The following FGFR4 variants were observed in gnomAD, a reference collection of about 807,000 sequenced individuals.
The protein encoded by FGFR4 is fibroblast growth factor receptor 4, also known as hydroxyaryl-protein kinase.
Under a neutral mutation model 89.9 loss-of-function variants are expected in FGFR4, and 63 were observed. The ratio of observed to expected loss-of-function variants is 0.70; its 90% confidence interval spans 0.57 to 0.86. FGFR4 has a LOEUF of 0.86. Among genes scored for constraint, FGFR4 ranks in the 40% least tolerant of loss-of-function variants. The pLI is 0.00. For missense variants in FGFR4, 928 were observed against 1,106.7 expected, an observed-to-expected ratio of 0.84 and a Z score of 2.29; for synonymous variants, 486 against 479.4, an observed-to-expected ratio of 1.01 and a Z score of -0.18.
At position 177,093,211 on chromosome 5, in the gene FGFR4, C is replaced by T; in HGVS notation, c.1131C>T (p.Ser377=). 1 of 1,612,758 alleles carries T rather than the reference C, an allele frequency of 6.2e-7. No homozygotes were observed. The highest frequency in any genetic ancestry group is 8.5e-7 in the Non-Finnish European group (1 of 1,178,988). The change falls in exon 9 of 18, where the codon TCC becomes TCT. Residue 377 remains serine, a synonymous_variant. Transcript: ENST00000292408. This position sits in a 1 kb window ranked among gnomAD's most constrained non-coding sequence, Gnocchi z 5.8. ...ACATCATCCTGTACGCGTCGGGCTC[C>T]CTGGCCTTGGCTGTGCTCCTGCTGC... ...YTDIILYASG[S]LALAVLLLLA...
rs1479846640 is a variant in FGFR4 at position 177,095,411 on chromosome 5, T to A, written c.1601T>A (p.Ile534Asn). 1 of 1,614,122 alleles carries A rather than the reference T, an allele frequency of 6.2e-7. No homozygotes were observed. Among genetic ancestry groups the A allele is most frequent in the Non-Finnish European group, 8.5e-7 (1 of 1,179,994 alleles). ...MKLIGRHKNIINLLGVCTQEG... is the reference protein window; with the variant it reads ...MKLIGRHKNINNLLGVCTQEG... ...CTGATCGGCCGACACAAGAACATCA[T>A]CAACCTGCTTGGTGTCTGCACCCAG... Residue 534 changes from isoleucine to asparagine, a missense_variant, in exon 12 of 18, where the codon ATC becomes AAC. By Grantham distance (149) the Ile-to-Asn change is moderately radical. This residue lies in a region of FGFR4 where 741 missense variants were observed against 836.9 expected (regional missense o/e 0.89). Transcript: ENST00000292408. The surrounding 1 kb of genome is among the most constrained non-coding windows in gnomAD (Gnocchi z 5.7).
Position 177,092,635 on chromosome 5 carries a change from C to T in FGFR4, c.919-11C>T, listed in dbSNP as rs778887827. The T allele has an allele frequency of 6.3e-7, 1 of 1,597,682 alleles. No homozygotes were observed. The highest frequency in any genetic ancestry group is 1.3e-5 in the African/African-American group (1 of 74,834). On this transcript the variant is annotated splice_polypyrimidine_tract_variant and intron_variant, in intron 7 of 17. Transcript: ENST00000292408. The stretch of plus-strand genomic sequence containing the variant: ...CCCTGCTGTGACCCCAGAGCATGTC[C>T]CCCACCCCAGACTGCAGACATCAAT...
In FGFR4 at chr5:177,093,062, GAGTT is replaced by G. The variant is rs1164834865; in HGVS notation, c.1058-73_1058-70del. ...CATATGTTGGGAGCTGGGAGGGACT[GAGTT>G]AGGGTGCACGGGGCGGCCAGTCTCA... On this transcript the variant is annotated intron_variant, in intron 8 of 17. Coordinates refer to ENST00000292408, the MANE Select transcript of FGFR4 (RefSeq NM_213647.3). This position sits in a 1 kb window ranked among gnomAD's most constrained non-coding sequence, Gnocchi z 5.8. 1.3e-6 allele frequency: 2 copies of G among 1,579,500 alleles called. No homozygotes were observed. The highest frequency in any genetic ancestry group is 2.2e-5 in the East Asian group (1 of 44,660).
Position 177,095,135 on chromosome 5 carries a change from A to C in FGFR4, c.1520-195A>C, listed in dbSNP as rs1456654858. Reference sequence around the variant, plus strand: ...TGCTGTGACAGGCAGGGTGTGACCCACTGCTCTGTTTCCCACAAGACGAAC... The same window carrying C: ...TGCTGTGACAGGCAGGGTGTGACCCCCTGCTCTGTTTCCCACAAGACGAAC... On this transcript the variant is annotated intron_variant, in intron 11 of 17. Transcript: ENST00000292408. The surrounding 1 kb of genome is among the most constrained non-coding windows in gnomAD (Gnocchi z 5.7). The C allele has an allele frequency of 6.7e-6, 4 of 596,778 alleles. No individual in the cohort carries two copies. Among genetic ancestry groups the C allele is most frequent in the Admixed American group, 2.7e-5 (1 of 36,644 alleles). The allele number at this position is 596,778 out of a possible 1,614,324, so 37.0% of individuals were successfully genotyped here. A position where few individuals can be genotyped will look rare whatever the true frequency, so the allele number is the denominator to read the frequency against.
In FGFR4 at chr5:177,093,016, C is replaced by T. The variant is rs755953062; in HGVS notation, c.1058-122C>T. On this transcript the variant is annotated intron_variant, in intron 8 of 17. Coordinates refer to ENST00000292408, the MANE Select transcript of FGFR4 (RefSeq NM_213647.3). This position sits in a 1 kb window ranked among gnomAD's most constrained non-coding sequence, Gnocchi z 5.8. ...TGCCTGGGACTGGGCATAACTACAG[C>T]TTCCTCCGTGTGTGTCCCCACATAT... 49 of 1,406,040 alleles carry T rather than the reference C, an allele frequency of 3.5e-5. No homozygotes were observed. In the Middle Eastern group the frequency reaches 2.1e-3, roughly 60 times the overall value. 87.1% of individuals were successfully genotyped at this position (1,406,040 alleles called of 1,614,324 possible). A position where few individuals can be genotyped will look rare whatever the true frequency, so the allele number is the denominator to read the frequency against.
chr5:177,090,350 G>T, intron 2 of FGFR4, 40 bp from the exon 3 acceptor site: 1 of 1,599,198 alleles, frequency 6.3e-7, no homozygotes, highest in South Asian at 1.1e-5. Context: ...TGCCTCAGAT[G>T]GGGCTGCGGG....
intron 1 of FGFR4, among the ~76,000 whole-genome samples, chr5:177,088,724 G>C (rs772202320): frequency 6.6e-6 from 1 of 152,202 alleles, no homozygotes; most frequent in Non-Finnish European, 1.5e-5. Context: ...AACAGCATCC[G>C]AACCAGAGGT....
In FGFR4 at chr5:177,097,774, C is replaced by T; in HGVS notation, c.*98C>T. ...GTGCTCGACCTTGATAGCATGGGGCCCCTGGCCCAGAGTTGCTGTGCCGTG... is the reference window on the plus strand; with the variant it reads ...GTGCTCGACCTTGATAGCATGGGGCTCCTGGCCCAGAGTTGCTGTGCCGTG... On this transcript the variant is annotated 3_prime_UTR_variant, in exon 18 of 18. Transcript: ENST00000292408. The T allele has an allele frequency of 6.8e-7, 1 of 1,468,378 alleles. No individual in the cohort carries two copies. The highest frequency in any genetic ancestry group is 9.1e-7 in the Non-Finnish European group (1 of 1,100,446). 91.0% of individuals were successfully genotyped at this position (1,468,378 alleles called of 1,614,324 possible).
chr5:177,092,896 G>C, intron 8 of FGFR4, 112 bp downstream of exon 8: 1 of 1,541,712 alleles, frequency 6.5e-7, no homozygotes, highest in Admixed American at 1.8e-5. Context: ...CTGGCCTGGG[G>C]GGCAGTGTGT....
chr5:177,096,440 G>T, intron 15 of FGFR4, 83 bp downstream of exon 15: 2 of 1,556,840 alleles, frequency 1.3e-6, no homozygotes, highest in Non-Finnish European at 1.8e-6. Context: ...GGAGTCATGC[G>T]CTCGAGGGCT....
In FGFR4 at chr5:177,092,311, C is replaced by G. The variant is rs775694713; in HGVS notation, c.728-10C>G. 5.5e-5 allele frequency: 85 copies of G among 1,550,084 alleles called. No individual in the cohort carries two copies. Among genetic ancestry groups the G allele is most frequent in the Admixed American group, 9.6e-5 (5 of 51,980 alleles). ...GGTGGTCAGGGTTGACTGTCTCGCCCGGTCCCCAGAGCGGTCCCCGCACCG... is the reference window on the plus strand; with the variant it reads ...GGTGGTCAGGGTTGACTGTCTCGCCGGGTCCCCAGAGCGGTCCCCGCACCG... On this transcript the variant is annotated splice_polypyrimidine_tract_variant and intron_variant, in intron 6 of 17. Transcript: ENST00000292408.
In FGFR4 at chr5:177,096,165, A is replaced by G; in HGVS notation, c.1930A>G (p.Lys644Glu). Residue 644 changes from lysine to glutamate, a missense_variant, in exon 14 of 18, where the codon AAG (lysine) becomes GAG (glutamate). Physicochemically the swap from Lys to Glu is moderately conservative, Grantham distance 56 (BLOSUM62 1). Coordinates refer to ENST00000292408, the MANE Select transcript of FGFR4 (RefSeq NM_213647.3). The stretch of plus-strand genomic sequence containing the variant: ...CGGCGTCCACCACATTGACTACTAT[A>G]AGAAAACCAGCAACGTGAGGGAGAT... ...ARGVHHIDYY[K>E]KTSNGRLPVK... 1 of 1,613,996 alleles carries G rather than the reference A, an allele frequency of 6.2e-7. No homozygotes were observed. The highest frequency in any genetic ancestry group is 8.5e-7 in the Non-Finnish European group (1 of 1,179,958).
Position 177,090,452 on chromosome 5 carries a change from C to T in FGFR4, c.154C>T (p.Pro52Ser). Residue 52 changes from proline (P) to serine (S), a missense_variant, in exon 3 of 18, where the codon CCT (proline) becomes TCT (serine). Transcript: ENST00000292408. ...GGAGCTGACAGTAGCCCTTGGGCAG[C>T]CTGTGCGTCTGTGCTGTGGGCGGGC... The part of the protein sequence containing the change: ...EQELTVALGQ[P>S]VRLCCGRAER... 6.2e-7 allele frequency: 1 copy of T among 1,603,990 alleles called. No homozygotes were observed. The highest frequency in any genetic ancestry group is 8.5e-7 in the Non-Finnish European group (1 of 1,177,218).
Position 177,097,325 on chromosome 5 carries a change from G to T in FGFR4, c.2187G>T (p.Ala729=), listed in dbSNP as rs770001903. ...YGLMRECWHA[A]PSQRPTFKQL... Reference sequence around the variant, plus strand: ...TGATGCGTGAGTGCTGGCACGCAGCGCCCTCCCAGAGGCCTACCTTCAAGC... The same window carrying T: ...TGATGCGTGAGTGCTGGCACGCAGCTCCCTCCCAGAGGCCTACCTTCAAGC... Residue 729 remains alanine, a synonymous_variant, in exon 17 of 18, where the codon GCG becomes GCT. Coordinates refer to ENST00000292408, the MANE Select transcript of FGFR4 (RefSeq NM_213647.3). The T allele has an allele frequency of 6.2e-7, 1 of 1,610,140 alleles. No homozygotes were observed. Among genetic ancestry groups the T allele is most frequent in the Non-Finnish European group, 8.5e-7 (1 of 1,178,726 alleles).
Position 177,097,675 on chromosome 5 carries a change from G to T in FGFR4, c.2408G>T (p.Ter803LeuextTer57), listed in dbSNP as rs1156440724. ...CCCTTCGGGTCTGGGGTGCAGACAT[G>T]AGCAAGGCTCAAGGCTGTGCAGGCA... ...SFPFGSGVQT[*>L] Residue 803 changes from the stop codon to leucine (L), a stop_lost, in exon 18 of 18, where the codon TGA becomes TTA. Coordinates refer to ENST00000292408, the MANE Select transcript of FGFR4 (RefSeq NM_213647.3). The T allele has an allele frequency of 6.2e-7, 1 of 1,613,812 alleles. No individual in the cohort carries two copies. Among genetic ancestry groups the T allele is most frequent in the East Asian group, 2.2e-5 (1 of 44,886 alleles).
rs1019967707 is a variant in FGFR4 at position 177,098,029 on chromosome 5, C to T, written c.*353C>T. On this transcript the variant is annotated 3_prime_UTR_variant, in exon 18 of 18. Transcript: ENST00000292408. This position sits in a 1 kb window ranked among gnomAD's most constrained non-coding sequence, Gnocchi z 4.5. ...CCTCCCCCTGCTGCTGCTGCCCCAG[C>T]GTCTTGACGGGAGCATTGGCCCCTG... 7.3e-6 allele frequency: 2 copies of T among 275,522 alleles called. No homozygotes were observed. Among genetic ancestry groups the T allele is most frequent in the African/African-American group, 2.2e-5 (1 of 45,838 alleles). 17.1% of individuals were successfully genotyped at this position (275,522 alleles called of 1,614,324 possible).
chr5:177,096,785 C>G, intron 16 of FGFR4, 44 bp downstream of exon 16: 1 of 1,546,698 alleles, frequency 6.5e-7, no homozygotes. Context: ...CAGTCCTCCT[C>G]CTCCTCTGCC....
Position 177,092,626 on chromosome 5 carries a change from G to T in FGFR4, c.919-20G>T. ...GGCCCCAGGCCCTGCTGTGACCCCA[G>T]AGCATGTCCCCCACCCCAGACTGCA... On this transcript the variant is annotated intron_variant, in intron 7 of 17. Coordinates refer to ENST00000292408, the MANE Select transcript of FGFR4 (RefSeq NM_213647.3). 1 of 1,593,564 alleles carries T rather than the reference G, an allele frequency of 6.3e-7. No individual in the cohort carries two copies. Among genetic ancestry groups the T allele is most frequent in the South Asian group, 1.1e-5 (1 of 88,650 alleles).
Position 177,091,301 on chromosome 5 carries a change from C to T in FGFR4, c.603+197C>T, listed in dbSNP as rs1178976901. Among the ~76,000 whole-genome samples the T allele has an allele frequency of 3.9e-5, 6 of 152,322 alleles. No individual in the cohort carries two copies. The South Asian group carries it at 1.0e-3, about 26-fold the overall frequency. ...TCTGGCAAGTGACTTAACCTCTCAG[C>T]CTCAGCAACTCCATTTGTAAAGGGA... On this transcript the variant is annotated intron_variant, in intron 5 of 17. Transcript: ENST00000292408.
Sources: gnomAD v4.1 joint callset for allele counts (sites outside exome capture counted in the v4.1 genomes callset) on GRCh38, gnomAD v4.1.1 for gene constraint, gnomAD v4.1.1 regional missense constraint, Gnocchi (gnomAD v3.1) non-coding constraint, MANE v1.5 for transcripts, NCBI Gene and HGNC (gene_info 2026-07-23, HGNC 2026-07-21) for gene names.